Variants in ARMC2 observed in about 807,000 individuals in gnomAD.
ARMC2 encodes armadillo repeat-containing protein 2.
A neutral mutation model predicts 90.3 loss-of-function variants in ARMC2; 67 were observed. The ratio of observed to expected loss-of-function variants is 0.74; its 90% CI spans 0.61 to 0.91. ARMC2 has a LOEUF of 0.91. ARMC2 is among the 40% of genes least tolerant of loss of function. The pLI is 0.00. For missense variants in ARMC2, 920 were observed against 1,030.9 expected, an observed-to-expected ratio of 0.89 and a Z score of 1.47; for synonymous variants, 393 against 393.0, an observed-to-expected ratio of 1.00 and a Z score of 0.00.
the ARMC2 span, chr6:109,009,138 C>T: frequency 1.5e-6 from 1 of 685,418 alleles, no homozygotes; most frequent in Non-Finnish European, 2.1e-6. Context: ...ACTCACGGTG[C>T]GCAGGTCTCC....
chr6:109,047,316 G>C, the ARMC2 span, among the ~76,000 whole-genome samples: 12 of 113,048 alleles, frequency 1.1e-4, no homozygotes, highest in African/African-American at 3.3e-4. Flanking sequence ...CCCTCTGCCC[G>C]GCCAGCCGCC....
intron 1 of ARMC2, among the ~76,000 whole-genome samples, chr6:108,851,780 T>C (rs776380358): frequency 2.6e-5 from 4 of 152,136 alleles, no homozygotes; most frequent in Non-Finnish European, 5.9e-5. Context: ...CTAGTTATTA[T>C]TATTATTTTT....
At chr6:109,014,019 T>C in the ARMC2 span, among the ~76,000 whole-genome samples, 2 of 152,036 alleles carry the variant, frequency 1.3e-5, no homozygotes, top group African/African-American at 2.4e-5. Context: ...TTTTTTTTTT[T>C]CAGTTCTTCA....
chr6:109,048,433 AG>A, the ARMC2 span, among the ~76,000 whole-genome samples: 8 of 152,244 alleles, frequency 5.3e-5, no homozygotes, highest in Non-Finnish European at 1.0e-4. Context: ...TACTGTTAAA[AG>A]GTAGTGACTG....
rs576876331 is a variant in ARMC2 at position 108,947,649 on chromosome 6, G to A, written c.1597-5384G>A. Among the ~76,000 whole-genome samples the A allele has an allele frequency of 1.2e-4, 19 of 152,272 alleles. 1 individual carries two copies. Among genetic ancestry groups the A allele is most frequent in the Middle Eastern group, 3.4e-3 (1 of 294 alleles). ...TTGCTCATTGGGGCATAACATCTGC[G>A]AAACTAATGACAATATCCCTCAGGC... is the stretch of plus-strand genomic sequence containing the variant. On this transcript the variant is annotated intron_variant, in intron 12 of 17. Coordinates refer to ENST00000392644, the MANE Select transcript of ARMC2 (RefSeq NM_032131.6).
At chr6:108,995,185 T>C in the ARMC2 span, among the ~76,000 whole-genome samples, 1 of 152,208 alleles carries the variant, frequency 6.6e-6, no homozygotes, top group East Asian at 1.9e-4. Context: ...AATAATGTCA[T>C]TACCATTTAT....
intron 11 of ARMC2, among the ~76,000 whole-genome samples, chr6:108,934,353 A>G (rs559287145): frequency 3.9e-5 from 6 of 152,348 alleles, no homozygotes; most frequent in Non-Finnish European, 5.9e-5. Context: ...AATTACACTA[A>G]TAAAGTTTCT....
At chr6:108,964,631 A>G (rs1254317114) in intron 16 of ARMC2, among the ~76,000 whole-genome samples, 1 of 152,112 alleles carries the variant, frequency 6.6e-6, no homozygotes, top group Non-Finnish European at 1.5e-5. Context: ...AAAATTAGCC[A>G]GGCGTTGTGG....
At chr6:108,862,062 G>A (rs956749728) in intron 3 of ARMC2, among the ~76,000 whole-genome samples, 1 of 151,940 alleles carries the variant, frequency 6.6e-6, no homozygotes, top group Non-Finnish European at 1.5e-5. Flanking sequence ...AAAAGTAGAC[G>A]GCTAGGCTCA....
At chr6:108,916,543 A>G (rs545836831) in intron 10 of ARMC2, among the ~76,000 whole-genome samples, 30 of 152,322 alleles carry the variant, frequency 2.0e-4, no homozygotes, top group Admixed American at 1.3e-3. Flanking sequence ...AAGCAGGTTA[A>G]ACTGTGCATG....
chr6:108,911,478 G>A (rs1773420715), intron 9 of ARMC2, among the ~76,000 whole-genome samples: 1 of 152,012 alleles, frequency 6.6e-6, no homozygotes, highest in South Asian at 2.1e-4. Context: ...GTACTTCTAA[G>A]TAATTAAGAT....
chr6:108,855,487 A>G (rs1464349033), intron 2 of ARMC2, among the ~76,000 whole-genome samples: 2 of 151,996 alleles, frequency 1.3e-5, no homozygotes, highest in African/African-American at 4.8e-5. Context: ...TCCTGACCTC[A>G]TGATCCACCC....
the ARMC2 span, chr6:109,002,226 A>G: frequency 6.6e-7 from 1 of 1,510,552 alleles, no homozygotes. Context: ...GGGTCATGAA[A>G]GCTCTTCCTT....
At chr6:108,897,458 G>A (rs969244030) in intron 6 of ARMC2, among the ~76,000 whole-genome samples, 1 of 151,924 alleles carries the variant, frequency 6.6e-6, no homozygotes, top group African/African-American at 2.4e-5. Flanking sequence ...TGCTATTAAG[G>A]CTATTTACTG....
chr6:108,908,752 GA>G (rs1179998384), intron 8 of ARMC2, among the ~76,000 whole-genome samples: 2 of 151,620 alleles, frequency 1.3e-5, no homozygotes, highest in East Asian at 3.9e-4. Context: ...CCCTGTCTCT[GA>G]AAAAAAAGAA....
chr6:108,899,799 C>CACAA lies in ARMC2; in HGVS notation c.847+21_847+24dup, dbSNP rs758520438. The stretch of plus-strand genomic sequence containing the variant: ...TTGCGTGAATTAGAAAAGGGTAAAA[C>CACAA]ACAAACAAACAAACAAAAAACCGTT... On this transcript the variant is annotated splice_region_variant and intron_variant, in intron 7 of 17. Transcript: ENST00000392644. 1.3e-4 allele frequency: 210 copies of CACAA among 1,586,082 alleles called. No individual in the cohort carries two copies. The highest frequency in any genetic ancestry group is 2.2e-4 in the Admixed American group (12 of 54,308).
At chr6:109,035,419 T>C in the ARMC2 span, among the ~76,000 whole-genome samples, 10 of 152,026 alleles carry the variant, frequency 6.6e-5, no homozygotes, top group Non-Finnish European at 4.4e-5. Flanking sequence ...AGTAAAAGAC[T>C]GAGTATAAAA....
At chr6:108,853,206 ACT>A (rs952169623) in intron 1 of ARMC2, among the ~76,000 whole-genome samples, 52 of 152,014 alleles carry the variant, frequency 3.4e-4, no homozygotes, top group African/African-American at 1.2e-3. Flanking sequence ...TTCATCAGAA[ACT>A]CTTGGGGTGG....
At chr6:108,965,274 G>T (rs1029317956) in intron 17 of ARMC2, 134 bp downstream of exon 17, 19 of 762,508 alleles carry the variant, frequency 2.5e-5, no homozygotes, top group Non-Finnish European at 3.7e-5. Flanking sequence ...GTATGTTAAA[G>T]ATTACTATAA....
Sources: gnomAD v4.1 joint callset for allele counts (sites outside exome capture counted in the v4.1 genomes callset) on GRCh38, gnomAD v4.1.1 for gene constraint, MANE v1.5 for transcripts, NCBI Gene and HGNC (gene_info 2026-07-23, HGNC 2026-07-21) for gene names.